The following SERPINB5 variants were observed in gnomAD, a reference collection of about 807,000 sequenced individuals.
SERPINB5 encodes serpin family B member 5, also known as serpin B5.
Under a neutral mutation model 32.2 loss-of-function variants are expected in SERPINB5, and 27 were observed. The ratio of observed to expected loss-of-function variants is 0.84; its 90% confidence interval spans 0.62 to 1.16. SERPINB5 has a LOEUF of 1.16. Ranked by LOEUF, SERPINB5 falls within the 50% of genes most tolerant of loss-of-function variation. The probability of loss-of-function intolerance (pLI) is 0.00; values close to 1 mark genes in which losing one functional copy is unlikely to be tolerated. For synonymous variants in SERPINB5, 154 were observed against 157.4 expected (o/e 0.98, Z 0.16); for missense variants, 388 against 436.3 (o/e 0.89, Z 0.99).
At chr18:63,491,437 G>T (rs1161010185) in intron 4 of SERPINB5, among the ~76,000 whole-genome samples, 1 of 147,164 alleles carries the variant, frequency 6.8e-6, no homozygotes, top group Non-Finnish European at 1.5e-5. Flanking sequence ...AAGAATAATG[G>T]TCTTCAGCTC....
chr18:63,479,781 C>A (rs1190901945), intron 1 of SERPINB5, among the ~76,000 whole-genome samples: 4 of 152,084 alleles, frequency 2.6e-5, no homozygotes, highest in Admixed American at 1.3e-4. Flanking sequence ...ATGAAAGCAA[C>A]ATCATACCAA....
At position 63,504,490 on chromosome 18, in the gene SERPINB5, G is replaced by A. The variant is rs1006056471; in HGVS notation, c.*768G>A. On this transcript the variant is annotated 3_prime_UTR_variant, in exon 7 of 7. Transcript: ENST00000382771. ...TGCCACCAACTTACAAAAACACTTCGTTCGCAGAGCTTTTCAGATTGTGGA... is the reference window on the plus strand; with the variant it reads ...TGCCACCAACTTACAAAAACACTTCATTCGCAGAGCTTTTCAGATTGTGGA... The A allele has an allele frequency of 3.9e-5, 6 of 152,260 alleles. No individual in the cohort carries two copies. The highest frequency in any genetic ancestry group is 2.1e-4 in the South Asian group (1 of 4,832). 9.4% of individuals were successfully genotyped at this position (152,260 alleles called of 1,614,324 possible).
chr18:63,491,286 C>T (rs1350056192), intron 4 of SERPINB5, among the ~76,000 whole-genome samples: 1 of 150,974 alleles, frequency 6.6e-6, no homozygotes, highest in Non-Finnish European at 1.5e-5. Flanking sequence ...CCTGTAGTCC[C>T]AGCTACTTGG....
Position 63,493,088 on chromosome 18 carries a change from T to C in SERPINB5, c.560T>C (p.Val187Ala). Residue 187 changes from valine (V) to alanine (A), a missense_variant, in exon 5 of 7, where the codon GTC becomes GCC. Coordinates refer to ENST00000382771, the MANE Select transcript of SERPINB5 (RefSeq NM_002639.5). ...ESETKECPFR[V>A]NKTDTKPVQM... The stretch of plus-strand genomic sequence containing the variant: ...GAAACAAAAGAATGTCCTTTCAGAG[T>C]CAACAAGGTATGTGGGGCAGCATGT... 6.2e-7 allele frequency: 1 copy of C among 1,614,144 alleles called. No homozygotes were observed. The highest frequency in any genetic ancestry group is 8.5e-7 in the Non-Finnish European group (1 of 1,180,034).
At chr18:63,500,034 G>T (rs1909539305) in intron 6 of SERPINB5, among the ~76,000 whole-genome samples, 1 of 151,378 alleles carries the variant, frequency 6.6e-6, no homozygotes, top group Non-Finnish European at 1.5e-5. Flanking sequence ...TTGTTTTAGA[G>T]ACAGGGTCTT....
intron 6 of SERPINB5, among the ~76,000 whole-genome samples, chr18:63,500,952 G>C (rs1470954107): frequency 2.0e-5 from 3 of 151,686 alleles, no homozygotes; most frequent in Non-Finnish European, 4.4e-5. Flanking sequence ...TTATCCAGCT[G>C]TCTTGGATTT....
intron 3 of SERPINB5, among the ~76,000 whole-genome samples, chr18:63,488,855 G>A (rs912593733): frequency 2.0e-5 from 3 of 152,130 alleles, no homozygotes; most frequent in Non-Finnish European, 2.9e-5. Context: ...TATGTCTGGG[G>A]TGGGGTCTGA....
intron 5 of SERPINB5, among the ~76,000 whole-genome samples, chr18:63,494,387 C>T (rs1412194464): frequency 7.0e-6 from 1 of 143,766 alleles, no homozygotes; most frequent in South Asian, 2.3e-4. Context: ...GATCAAGGAA[C>T]TGAGACTGGA....
At chr18:63,500,428 A>G (rs1246076102) in intron 6 of SERPINB5, among the ~76,000 whole-genome samples, 1 of 152,134 alleles carries the variant, frequency 6.6e-6, no homozygotes, top group South Asian at 2.1e-4. Context: ...ACGTACACAT[A>G]TATGCTTCAA....
At chr18:63,489,522 C>G in intron 4 of SERPINB5, 58 bp downstream of exon 4, 1 of 922,942 alleles carries the variant, frequency 1.1e-6, no homozygotes, top group Non-Finnish European at 1.7e-6. Context: ...CCTTCCATCT[C>G]ATAAATGTTT....
Position 63,499,123 on chromosome 18 carries a change from G to T in SERPINB5, c.571G>T (p.Asp191Tyr), listed in dbSNP as rs145448576. The part of the protein sequence containing the change: ...KECPFRVNKT[D>Y]TKPVQMMNME... ...GTCCAAATTTTCCCTTTTACAGACA[G>T]ACACCAAACCAGTGCAGATGATGAA... Residue 191 changes from aspartate (D) to tyrosine (Y), a missense_variant, in exon 6 of 7, where the codon GAC becomes TAC. Physicochemically the swap from Asp to Tyr is radical, Grantham distance 160 (BLOSUM62 -3). Coordinates refer to ENST00000382771, the MANE Select transcript of SERPINB5 (RefSeq NM_002639.5). 388 of 1,494,252 alleles carry T rather than the reference G, an allele frequency of 2.6e-4. No homozygotes were observed. In the African/African-American group the frequency reaches 4.9e-3, roughly 19 times the overall value. 92.6% of individuals were successfully genotyped at this position (1,494,252 alleles called of 1,614,324 possible).
At chr18:63,482,989 G>A (rs1488056112) in intron 1 of SERPINB5, among the ~76,000 whole-genome samples, 2 of 151,978 alleles carry the variant, frequency 1.3e-5, no homozygotes, top group Admixed American at 1.3e-4. Flanking sequence ...GGAAAACTCC[G>A]CTGTCTATTA....
rs925297781 is a variant in SERPINB5 at position 63,497,322 on chromosome 18, G to A, written c.568-1798G>A. 16 of 1,278,088 alleles carry A rather than the reference G, an allele frequency of 1.3e-5. No individual in the cohort carries two copies. In the African/African-American group the frequency reaches 1.7e-4, roughly 14 times the overall value. The allele number at this position is 1,278,088 out of a possible 1,614,324, so 79.2% of individuals were successfully genotyped here. A position where few individuals can be genotyped will look rare whatever the true frequency, so the allele number is the denominator to read the frequency against. On this transcript the variant is annotated intron_variant, in intron 5 of 6. Transcript: ENST00000382771. The stretch of plus-strand genomic sequence containing the variant: ...TCAAGCAGCAGCTCTTCTCCTATGC[G>A]ATTCTGGGCTTTGCCCTGTCTGAGG...
chr18:63,493,609 A>C, intron 5 of SERPINB5: 1 of 166,868 alleles, frequency 6.0e-6, no homozygotes, highest in Non-Finnish European at 1.3e-5. Context: ...CTGTAATCCC[A>C]TGACTTTGGG....
rs1460652053 is a variant in SERPINB5 at position 63,504,175 on chromosome 18, G to C, written c.*453G>C. ...TGTAGTGCATGGGACCCACGAAACT[G>C]CCCTGGCTCCAGTGAAACTTGGGCA... On this transcript the variant is annotated 3_prime_UTR_variant, in exon 7 of 7. Transcript: ENST00000382771. 6.0e-6 allele frequency: 1 copy of C among 165,328 alleles called. No homozygotes were observed. The highest frequency in any genetic ancestry group is 1.9e-4 in the East Asian group (1 of 5,356). The allele number at this position is 165,328 out of a possible 1,614,324, so 10.2% of individuals were successfully genotyped here. A position where few individuals can be genotyped will look rare whatever the true frequency, so the allele number is the denominator to read the frequency against.
chr18:63,494,027 T>C (rs1215052148), intron 5 of SERPINB5, among the ~76,000 whole-genome samples: 2 of 151,708 alleles, frequency 1.3e-5, no homozygotes, highest in African/African-American at 4.8e-5. Flanking sequence ...GTAAATATGT[T>C]AAATAATTAA....
intron 2 of SERPINB5, 143 bp downstream of exon 2, chr18:63,484,739 A>ATATTTTTTTT (rs1474564506): frequency 6.6e-4 from 96 of 144,618 alleles, no homozygotes; most frequent in African/African-American, 3.1e-3. Context: ...GACTCTCTTA[A>ATATTTTTTTT]TCTTTTTTTT....
chr18:63,493,791 G>A (rs1909390258), intron 5 of SERPINB5: 2 of 152,694 alleles, frequency 1.3e-5, no homozygotes, highest in South Asian at 4.1e-4. Context: ...GGGAGACAGA[G>A]GTTGCAGTCA....
chr18:63,484,823 C>A (rs1371532571), intron 2 of SERPINB5, among the ~76,000 whole-genome samples: 1 of 138,294 alleles, frequency 7.2e-6, no homozygotes, highest in Non-Finnish European at 1.5e-5. Flanking sequence ...TGTTGGCTCA[C>A]TGCAGCCTCC....
Sources: allele counts gnomAD v4.1 joint callset (sites outside exome capture counted in the v4.1 genomes callset), GRCh38; gene constraint gnomAD v4.1.1; transcripts MANE v1.5; gene names NCBI Gene and HGNC (gene_info 2026-07-23, HGNC 2026-07-21).